Variants in ATP2A1 observed in about 807,000 individuals in gnomAD.
ATP2A1 encodes the protein ATPase sarcoplasmic/endoplasmic reticulum Ca2+ transporting 1.
In ATP2A1, 83 loss-of-function variants were observed where a neutral mutation model predicts 109.5. The ratio of observed to expected loss-of-function variants is 0.76; its 90% CI spans 0.63 to 0.91. ATP2A1 has a LOEUF of 0.91. Among genes scored for constraint, ATP2A1 ranks in the 40% least tolerant of loss-of-function variants. The pLI, the probability that ATP2A1 is intolerant of heterozygous loss-of-function variation, is 0.00. For synonymous variants in ATP2A1, 505 were observed against 537.6 expected, an observed-to-expected ratio of 0.94 and a Z score of 0.84; for missense variants, 1,101 against 1,341.0, an observed-to-expected ratio of 0.82 and a Z score of 2.80.
Position 28,898,199 on chromosome 16 carries a change from G to C in ATP2A1, c.1546-34G>C, listed in dbSNP as rs372322565. 4.3e-6 allele frequency: 7 copies of C among 1,614,116 alleles called. No homozygotes were observed. Among genetic ancestry groups the C allele is most frequent in the East Asian group, 2.2e-5 (1 of 44,886 alleles). Reference sequence around the variant, plus strand: ...CACCTGTCACTGCCCTGGAAGGAAAGTGGTGGTCTCTGAATGCTGTTCTGG... The same window carrying C: ...CACCTGTCACTGCCCTGGAAGGAAACTGGTGGTCTCTGAATGCTGTTCTGG... On this transcript the variant is annotated intron_variant, in intron 13 of 22. Transcript: ENST00000395503. The surrounding 1 kb of genome is among the most constrained non-coding windows in gnomAD (Gnocchi z 4.0).
chr16:28,894,566 A>G lies in ATP2A1; in HGVS notation c.1246A>G (p.Ile416Val), dbSNP rs758782972. 6.2e-7 allele frequency: 1 copy of G among 1,614,056 alleles called. No homozygotes were observed. The highest frequency in any genetic ancestry group is 1.7e-5 in the Admixed American group (1 of 60,014). Residue 416 changes from isoleucine (I) to valine (V), a missense_variant, in exon 11 of 23, where the codon ATC becomes GTC. Transcript: ENST00000395503. The stretch of plus-strand genomic sequence containing the variant: ...TGACGGGCTGGTGGAGCTGGCCACC[A>G]TCTGTGCCCTCTGCAATGACTCCTC... ...QYDGLVELAT[I>V]CALCNDSSLD...
In ATP2A1 at chr16:28,900,783, G is replaced by C. The variant is rs143704560; in HGVS notation, c.1967G>C (p.Arg656Pro). 3 of 1,614,134 alleles carry C rather than the reference G, an allele frequency of 1.9e-6. No homozygotes were observed. ...GTGGCCGATCGCGCCTACACGGGCC[G>C]AGAGTTCGACGACCTGCCCCTGGCT... ...EEVADRAYTG[R>P]EFDDLPLAEQ... Residue 656 changes from arginine to proline, a missense_variant, in exon 15 of 23, where the codon CGA (arginine) becomes CCA (proline). Physicochemically the swap from Arg to Pro is moderately radical, Grantham distance 103. Coordinates refer to ENST00000395503, the MANE Select transcript of ATP2A1 (RefSeq NM_004320.6).
intron 14 of ATP2A1, among the ~76,000 whole-genome samples, chr16:28,899,099 A>C (rs1010537189): frequency 6.6e-6 from 1 of 152,244 alleles, no homozygotes; most frequent in African/African-American, 2.4e-5. Flanking sequence ...CTTGAACCAG[A>C]ACAGGAGCCA....
intron 11 of ATP2A1, 73 bp downstream of exon 11, chr16:28,894,680 G>C: frequency 6.3e-7 from 1 of 1,599,044 alleles, no homozygotes; most frequent in Non-Finnish European, 8.6e-7. Flanking sequence ...AAGGGTTGGA[G>C]GAAGGGGACC....
At position 28,897,885 on chromosome 16, in the gene ATP2A1, C is replaced by T. The variant is rs2152211424; in HGVS notation, c.1420-115C>T. 4 of 1,366,520 alleles carry T rather than the reference C, an allele frequency of 2.9e-6. No individual in the cohort carries two copies. The East Asian group carries it at 9.2e-5, about 31-fold the overall frequency. 84.6% of individuals were successfully genotyped at this position (1,366,520 alleles called of 1,614,324 possible). ...AGCCTTGGGATTTTCTCCTTTTGTG[C>T]TATAGGGACCAGACTTAGTGTTAGT... On this transcript the variant is annotated intron_variant, in intron 12 of 22. Coordinates refer to ENST00000395503, the MANE Select transcript of ATP2A1 (RefSeq NM_004320.6).
intron 8 of ATP2A1, 60 bp downstream of exon 8, chr16:28,887,782 C>A: frequency 6.4e-7 from 1 of 1,562,548 alleles, no homozygotes. Context: ...GACCCCTTTT[C>A]TTTTCTTTTC....
At position 28,904,394 on chromosome 16, in the gene ATP2A1, G is replaced by T. The variant is rs751250984; in HGVS notation, c.*252G>T. 2 of 1,535,706 alleles carry T rather than the reference G, an allele frequency of 1.3e-6. No individual in the cohort carries two copies. Among genetic ancestry groups the T allele is most frequent in the Non-Finnish European group, 1.7e-6 (2 of 1,146,640 alleles). ...TGTAAATTCCCCTTCCCAACCCCGAGGGGCTTGCAGGGACAAGGCGACCGA... is the reference window on the plus strand; with the variant it reads ...TGTAAATTCCCCTTCCCAACCCCGATGGGCTTGCAGGGACAAGGCGACCGA... On this transcript the variant is annotated 3_prime_UTR_variant, in exon 23 of 23. Coordinates refer to ENST00000395503, the MANE Select transcript of ATP2A1 (RefSeq NM_004320.6).
At chr16:28,890,147 AAAATG>A (rs1375214239) in intron 9 of ATP2A1, among the ~76,000 whole-genome samples, 3 of 152,046 alleles carry the variant, frequency 2.0e-5, no homozygotes, top group Non-Finnish European at 4.4e-5. Flanking sequence ...CTTAAATAAT[AAAATG>A]AAATGAAATG....
chr16:28,897,913 C>T, intron 12 of ATP2A1, 87 bp from the exon 13 acceptor site: 1 of 1,537,996 alleles, frequency 6.5e-7, no homozygotes, highest in Non-Finnish European at 8.9e-7. Context: ...GTGTTAGTCT[C>T]AGCCTTAGCT....
intron 7 of ATP2A1, 70 bp from the exon 8 acceptor site, chr16:28,887,355 G>C: frequency 6.2e-7 from 1 of 1,612,666 alleles, no homozygotes; most frequent in South Asian, 1.1e-5. Context: ...TGTGAGAAGA[G>C]ATGGCGTGGG....
chr16:28,897,540 GT>G (rs929349656), intron 12 of ATP2A1, among the ~76,000 whole-genome samples: 7 of 151,728 alleles, frequency 4.6e-5, no homozygotes, highest in South Asian at 2.1e-4. Flanking sequence ...AACAATGAAA[GT>G]TTTTTTTTCT....
rs539362541 is a variant in ATP2A1, at chr16:28,902,841, G to A, written c.2674G>A (p.Glu892Lys). ...HFEGIDCEVF[E>K]APEPMTMALS... ...TGAGGGCATAGACTGTGAGGTCTTC[G>A]AGGCCCCCGAGCCCATGACCATGGC... The change falls in exon 19 of 23, where the codon GAG (glutamate) becomes AAG (lysine). Residue 892 changes from glutamate (E) to lysine (K), a missense_variant. Coordinates refer to ENST00000395503, the MANE Select transcript of ATP2A1 (RefSeq NM_004320.6). The surrounding 1 kb of genome is among the most constrained non-coding windows in gnomAD (Gnocchi z 4.8). 8.7e-6 allele frequency: 14 copies of A among 1,613,814 alleles called. No homozygotes were observed. Among genetic ancestry groups the A allele is most frequent in the East Asian group, 4.5e-5 (2 of 44,856 alleles).
chr16:28,900,603 T>C lies in ATP2A1; in HGVS notation c.1787T>C (p.Val596Ala). 1 of 1,575,592 alleles carries C rather than the reference T, an allele frequency of 6.3e-7. No individual in the cohort carries two copies. The highest frequency in any genetic ancestry group is 8.6e-7 in the Non-Finnish European group (1 of 1,157,408). ...CAGACGGACCTGACATTCGTGGGTG[T>C]AGTGGGCATGCTGGACCCTCCGCGC... ...EYETDLTFVG[V>A]VGMLDPPRKE... The change falls in exon 15 of 23, where the codon GTA (valine) becomes GCA (alanine). Residue 596 changes from valine (V) to alanine (A), a missense_variant. Val to Ala is a moderately conservative substitution (Grantham distance 64). Coordinates refer to ENST00000395503, the MANE Select transcript of ATP2A1 (RefSeq NM_004320.6).
intron 15 of ATP2A1, 115 bp downstream of exon 15, chr16:28,901,031 GAT>G: frequency 7.3e-7 from 1 of 1,362,158 alleles, no homozygotes; most frequent in Non-Finnish European, 1.0e-6. Context: ...GAAGGGTGGG[GAT>G]TCAGACCCCA....
intron 1 of ATP2A1, 142 bp downstream of exon 1, chr16:28,878,931 G>A (rs1386562056): frequency 1.6e-5 from 21 of 1,334,194 alleles, no homozygotes; most frequent in Non-Finnish European, 2.3e-5. Flanking sequence ...GGGGGAAGAA[G>A]ATACTGAGAA....
At chr16:28,899,640 T>A in intron 14 of ATP2A1, among the ~76,000 whole-genome samples, 1 of 19,174 alleles carries the variant, frequency 5.2e-5, no homozygotes, top group South Asian at 4.6e-3. Context: ...CTCCATCCCC[T>A]GCGCCCGCCC....
In ATP2A1 at chr16:28,887,742, C is replaced by A; in HGVS notation, c.928+20C>A. ...CCGAAGGTATGAAAGCCTTTCTTTT[C>A]TCCTCCCATTTGCTAATCCCATCTG... On this transcript the variant is annotated intron_variant, in intron 8 of 22. Coordinates refer to ENST00000395503, the MANE Select transcript of ATP2A1 (RefSeq NM_004320.6). The A allele has an allele frequency of 6.2e-7, 1 of 1,612,748 alleles. No individual in the cohort carries two copies. The highest frequency in any genetic ancestry group is 8.5e-7 in the Non-Finnish European group (1 of 1,179,474).
intron 9 of ATP2A1, chr16:28,892,272 G>C (rs1178628868): frequency 1.2e-5 from 3 of 240,070 alleles, no homozygotes; most frequent in South Asian, 7.7e-5. Context: ...AAGAAAAGCT[G>C]TCGTTTTTTT....
intron 14 of ATP2A1, among the ~76,000 whole-genome samples, chr16:28,899,641 GCGCC>G (rs200025738): frequency 0.52 from 14,667 of 28,204 alleles, 4,631 homozygotes; most frequent in Middle Eastern, 0.83. Flanking sequence ...TCCATCCCCT[GCGCC>G]CGCCCCCCCC....
Sources: gnomAD v4.1 joint callset for allele counts (sites outside exome capture counted in the v4.1 genomes callset) on GRCh38, gnomAD v4.1.1 for gene constraint, Gnocchi (gnomAD v3.1) non-coding constraint, MANE v1.5 for transcripts, NCBI Gene and HGNC (gene_info 2026-07-23, HGNC 2026-07-21) for gene names.